FHDC1: variants seen among roughly 807,000 people sequenced by gnomAD.
The protein encoded by FHDC1 is FH2 domain containing 1, also known as FH2 domain-containing protein 1.
A neutral mutation model predicts 52.6 loss-of-function variants in FHDC1; 25 were observed. That is an observed-to-expected ratio of 0.48 (90% CI 0.35 to 0.66). FHDC1 has a LOEUF of 0.66. FHDC1 is among the 30% of genes least tolerant of loss of function. FHDC1 has a pLI of 0.01. For missense variants in FHDC1, 1,459 were observed against 1,452.8 expected (o/e 1.00, Z -0.07); for synonymous variants, 616 against 581.5 (o/e 1.06, Z -0.85).
At chr4:152,920,226 C>T in the FHDC1 span, among the ~76,000 whole-genome samples, 4 of 151,914 alleles carry the variant, frequency 2.6e-5, no homozygotes, top group African/African-American at 4.8e-5. Context: ...GGATTACATG[C>T]GTGAGCCACT....
intron 9 of FHDC1, among the ~76,000 whole-genome samples, chr4:152,967,426 CA>C (rs541098373): frequency 6.9e-4 from 99 of 142,846 alleles, no homozygotes; most frequent in East Asian, 3.7e-3. Context: ...GATTGTGTCT[CA>C]AAAAAAAAAA....
upstream of FHDC1, among the ~76,000 whole-genome samples, chr4:152,934,524 G>C (rs148814571): frequency 0.017 from 2,559 of 152,266 alleles, 32 homozygotes; most frequent in Non-Finnish European, 0.028. Context: ...TATTATGTTT[G>C]TAAGTTTTTA....
At chr4:152,952,438 T>A (rs769999578) in intron 2 of FHDC1, among the ~76,000 whole-genome samples, 4 of 152,248 alleles carry the variant, frequency 2.6e-5, no homozygotes, top group Non-Finnish European at 4.4e-5. Context: ...AGTGTATATT[T>A]ACAGTCCTCC....
rs80143169 is a variant in FHDC1, at chr4:152,975,163, C to T, written c.1872C>T (p.Ala624=). Residue 624 remains alanine (A), a synonymous_variant, in exon 12 of 12, where the codon GCC becomes GCT. Transcript: ENST00000511601. ...CAGCACAGGCGCACCAGCTTGCAGC[C>T]GCCCAGCCTGAGAACCATGCCTCTG... ...PPSAQAHQLA[A]AQPENHASAF... is the part of the protein sequence containing the mutation. 3.6e-3 allele frequency: 5,770 copies of T among 1,613,090 alleles called. 163 individuals carry two copies. The African/African-American group carries it at 0.06, about 17-fold the overall frequency.
the FHDC1 span, among the ~76,000 whole-genome samples, chr4:152,916,507 A>G: frequency 6.6e-6 from 1 of 152,150 alleles, no homozygotes; most frequent in African/African-American, 2.4e-5. Context: ...TGTTGAAATA[A>G]GTGGGTGGAT....
the FHDC1 span, among the ~76,000 whole-genome samples, chr4:152,924,519 C>T: frequency 6.6e-6 from 1 of 152,062 alleles, no homozygotes; most frequent in African/African-American, 2.4e-5. Context: ...GGTATATATC[C>T]AAAGGACTAT....
chr4:152,925,498 A>G, the FHDC1 span, among the ~76,000 whole-genome samples: 5 of 152,196 alleles, frequency 3.3e-5, no homozygotes, highest in African/African-American at 1.2e-4. Context: ...AGAGAGAAAG[A>G]GTCTGATGGA....
intron 9 of FHDC1, among the ~76,000 whole-genome samples, 173 bp downstream of exon 9, chr4:152,965,148 T>C (rs763806758): frequency 6.6e-6 from 1 of 152,198 alleles, no homozygotes; most frequent in South Asian, 2.1e-4. Context: ...AATTTGGGGG[T>C]TTTGAAAAAT....
chr4:152,920,409 G>C, the FHDC1 span, among the ~76,000 whole-genome samples: 4 of 152,070 alleles, frequency 2.6e-5, no homozygotes, highest in African/African-American at 9.7e-5. Context: ...TAAAAACCTT[G>C]ATGCCAATAA....
At chr4:152,960,539 A>AC (rs545811494) in intron 4 of FHDC1, 26 bp from the exon 5 acceptor site, 369 of 1,568,252 alleles carry the variant, frequency 2.4e-4, no homozygotes, top group East Asian at 1.4e-3. Flanking sequence ...GATTTTATAT[A>AC]CCCCCCCTTT....
intron 10 of FHDC1, among the ~76,000 whole-genome samples, chr4:152,970,698 A>G (rs1247053549): frequency 6.6e-6 from 1 of 152,208 alleles, no homozygotes; most frequent in Non-Finnish European, 1.5e-5. Context: ...GAATGCACAC[A>G]CTGCCTTGGG....
chr4:152,923,546 C>G, the FHDC1 span, among the ~76,000 whole-genome samples: 6 of 151,916 alleles, frequency 3.9e-5, no homozygotes, highest in Non-Finnish European at 5.9e-5. Context: ...AGCCCGCATC[C>G]CCAAGTCAAT....
chr4:152,920,052 G>A, the FHDC1 span, among the ~76,000 whole-genome samples: 65,561 of 145,766 alleles, frequency 0.45, 14,844 homozygotes, highest in South Asian at 0.54. Flanking sequence ...TGTTCAAGCA[G>A]TCCTCCTATC....
the FHDC1 span, among the ~76,000 whole-genome samples, chr4:152,926,267 GAC>G: frequency 0.014 from 2,048 of 144,522 alleles, 57 homozygotes; most frequent in African/African-American, 0.049. Flanking sequence ...TTAAAATACA[GAC>G]ACACACACAC....
intron 6 of FHDC1, among the ~76,000 whole-genome samples, chr4:152,962,606 A>G (rs548800517): frequency 6.6e-6 from 1 of 152,352 alleles, no homozygotes; most frequent in South Asian, 2.1e-4. Context: ...TTTGATTTCC[A>G]AGTAAACACT....
At chr4:152,916,626 T>G in the FHDC1 span, among the ~76,000 whole-genome samples, 5,626 of 151,984 alleles carry the variant, frequency 0.037, 154 homozygotes, top group South Asian at 0.079. Context: ...ACCCACTAAA[T>G]CTTTCCTCTT....
intron 2 of FHDC1, among the ~76,000 whole-genome samples, chr4:152,947,437 C>T (rs1739768683): frequency 6.6e-6 from 1 of 152,118 alleles, no homozygotes; most frequent in African/African-American, 2.4e-5. Flanking sequence ...GTTGGCTGAT[C>T]CCATCCCCTG....
chr4:152,951,101 A>C (rs1739912751), intron 2 of FHDC1, among the ~76,000 whole-genome samples: 1 of 152,194 alleles, frequency 6.6e-6, no homozygotes, highest in Non-Finnish European at 1.5e-5. Flanking sequence ...AGAGCACTGC[A>C]GTCAAGGGTT....
chr4:152,968,156 T>C (rs1293554685), intron 10 of FHDC1, 59 bp downstream of exon 10: 1 of 1,241,150 alleles, frequency 8.1e-7, no homozygotes, highest in Non-Finnish European at 1.2e-6. Flanking sequence ...ACCCCGGGGC[T>C]GGTTAAATTT....
Sources: gnomAD v4.1 joint callset for allele counts (sites outside exome capture counted in the v4.1 genomes callset) on GRCh38, gnomAD v4.1.1 for gene constraint, MANE v1.5 for transcripts, NCBI Gene and HGNC (gene_info 2026-07-23, HGNC 2026-07-21) for gene names.